MAGI1: variants seen among roughly 807,000 people sequenced by gnomAD.
MAGI1 encodes the protein membrane-associated guanylate kinase, WW and PDZ domain-containing protein 1.
Under a neutral mutation model 139.9 loss-of-function variants are expected in MAGI1, and 58 were observed. The ratio of observed to expected loss-of-function variants is 0.41; its 90% CI spans 0.34 to 0.52. The LOEUF (loss-of-function observed/expected upper bound fraction) is 0.52. MAGI1 is among the 20% of genes least tolerant of loss of function. MAGI1 has a pLI of 0.12. For missense variants in MAGI1, 1,874 were observed against 1,901.6 expected, an observed-to-expected ratio of 0.99 and a Z score of 0.27; for synonymous variants, 812 against 737.9, an observed-to-expected ratio of 1.10 and a Z score of -1.63.
At chr3:65,627,117 C>G (rs568430094) in intron 1 of MAGI1, among the ~76,000 whole-genome samples, 1 of 152,158 alleles carries the variant, frequency 6.6e-6, no homozygotes, top group African/African-American at 2.4e-5. Flanking sequence ...TGTACCTTCT[C>G]TATGTTTGCA....
At chr3:65,526,764 T>C (rs2078400735) in intron 2 of MAGI1, among the ~76,000 whole-genome samples, 1 of 152,156 alleles carries the variant, frequency 6.6e-6, no homozygotes, top group Non-Finnish European at 1.5e-5. Flanking sequence ...GATGGGAGCA[T>C]TCCCTCAACT....
At chr3:65,573,955 G>A (rs2081069412) in intron 2 of MAGI1, among the ~76,000 whole-genome samples, 1 of 151,888 alleles carries the variant, frequency 6.6e-6, no homozygotes, top group Admixed American at 6.6e-5. Context: ...ATGGGCAGTT[G>A]AGTAATTGCC....
intron 16 of MAGI1, among the ~76,000 whole-genome samples, 197 bp from the exon 17 acceptor site, chr3:65,379,751 G>T (rs1298807222): frequency 6.6e-6 from 1 of 152,096 alleles, no homozygotes; most frequent in Non-Finnish European, 1.5e-5. Flanking sequence ...CAGTATCTAC[G>T]AACATTGATC....
At chr3:65,743,541 C>A (rs1273804367) in intron 1 of MAGI1, among the ~76,000 whole-genome samples, 3 of 151,164 alleles carry the variant, frequency 2.0e-5, no homozygotes, top group African/African-American at 7.3e-5. Flanking sequence ...AATCTCATCT[C>A]TAATAAAAAT....
intron 1 of MAGI1, among the ~76,000 whole-genome samples, chr3:66,028,594 C>T (rs746754497): frequency 1.3e-5 from 2 of 152,064 alleles, no homozygotes; most frequent in Non-Finnish European, 2.9e-5. Flanking sequence ...CCACAGAGTC[C>T]CATTCTCAAG....
chr3:65,777,027 G>A (rs1172659113), intron 1 of MAGI1, among the ~76,000 whole-genome samples: 1 of 152,172 alleles, frequency 6.6e-6, no homozygotes, highest in Non-Finnish European at 1.5e-5. Context: ...ACAGCACCTG[G>A]AACATAGCAG....
At chr3:65,546,514 G>A (rs150365625) in intron 2 of MAGI1, among the ~76,000 whole-genome samples, 11 of 152,082 alleles carry the variant, frequency 7.2e-5, no homozygotes, top group South Asian at 2.1e-4. Context: ...TTTAAAACAC[G>A]TTCATCTATG....
At chr3:65,606,991 C>T (rs1272069085) in intron 2 of MAGI1, among the ~76,000 whole-genome samples, 1 of 152,102 alleles carries the variant, frequency 6.6e-6, no homozygotes, top group African/African-American at 2.4e-5. Flanking sequence ...CTCTTGAAAC[C>T]CAGATACTGG....
At chr3:65,969,339 T>A (rs1403278486) in intron 1 of MAGI1, among the ~76,000 whole-genome samples, 3 of 152,146 alleles carry the variant, frequency 2.0e-5, no homozygotes, top group African/African-American at 7.2e-5. Context: ...GCTGGTATGG[T>A]TCTGTGTTAG....
intron 2 of MAGI1, among the ~76,000 whole-genome samples, chr3:65,614,823 G>A (rs1424840125): frequency 2.6e-5 from 4 of 152,038 alleles, no homozygotes; most frequent in Non-Finnish European, 5.9e-5. Context: ...TAGATAAGCT[G>A]TAAGGAGAAG....
intron 2 of MAGI1, among the ~76,000 whole-genome samples, chr3:65,589,435 C>A (rs2081856799): frequency 6.6e-6 from 1 of 152,090 alleles, no homozygotes; most frequent in Non-Finnish European, 1.5e-5. Flanking sequence ...CTCTCCCTTG[C>A]ACTTCCTGCT....
In MAGI1 at chr3:65,355,590, G is replaced by A. The variant is rs144875664; in HGVS notation, c.*788C>T. The A allele has an allele frequency of 9.8e-5, 15 of 152,770 alleles. No individual in the cohort carries two copies. The highest frequency in any genetic ancestry group is 3.6e-4 in the African/African-American group (15 of 41,566). The allele number at this position is 152,770 out of a possible 1,614,324, so 9.5% of individuals were successfully genotyped here. On this transcript the variant is annotated 3_prime_UTR_variant, in exon 23 of 23. Coordinates refer to ENST00000402939, the MANE Select transcript of MAGI1 (RefSeq NM_001033057.2). ...CCTCGTAGTAATTGAGCAAAGCTGT[G>A]ATGGCATTGCCTTCAATGAGATTTT... is the stretch of plus-strand genomic sequence containing the variant.
chr3:65,752,553 T>C (rs1172670181), intron 1 of MAGI1, among the ~76,000 whole-genome samples: 1 of 152,224 alleles, frequency 6.6e-6, no homozygotes, highest in African/African-American at 2.4e-5. Context: ...AGAGGTATAA[T>C]TTCTAAGCAT....
chr3:65,563,596 G>A (rs1256116217), intron 2 of MAGI1, among the ~76,000 whole-genome samples: 1 of 152,164 alleles, frequency 6.6e-6, no homozygotes, highest in Non-Finnish European at 1.5e-5. Flanking sequence ...AAAACCCAGT[G>A]TGAACTGACC....
intron 2 of MAGI1, among the ~76,000 whole-genome samples, chr3:65,606,719 T>C (rs1315005442): frequency 1.3e-5 from 2 of 152,202 alleles, no homozygotes; most frequent in African/African-American, 4.8e-5. Flanking sequence ...GGTTTCACCA[T>C]GTTGGCTAGG....
chr3:66,038,329 CA>C lies in MAGI1; in HGVS notation c.-22del, dbSNP rs774394987. The C allele has an allele frequency of 2.6e-6, 4 of 1,521,972 alleles. No homozygotes were observed. Among genetic ancestry groups the C allele is most frequent in the Admixed American group, 2.1e-5 (1 of 46,954 alleles). The allele number at this position is 1,521,972 out of a possible 1,614,324, so 94.3% of individuals were successfully genotyped here. A position where few individuals can be genotyped will look rare whatever the true frequency, so the allele number is the denominator to read the frequency against. On this transcript the variant is annotated 5_prime_UTR_variant, in exon 1 of 23. The change creates a premature stop within an existing upstream ORF in the 5' untranslated region. Transcript: ENST00000402939. ...GACATGATGAGTTACACCCCTCCTC[CA>C]AAAAAATAAAACGAGAGACAGGTGC...
intron 2 of MAGI1, among the ~76,000 whole-genome samples, chr3:65,600,404 G>T (rs944713624): frequency 6.6e-6 from 1 of 152,086 alleles, no homozygotes; most frequent in Admixed American, 6.6e-5. Context: ...CAAAGACCAG[G>T]TTTCTCTATG....
intron 1 of MAGI1, among the ~76,000 whole-genome samples, chr3:65,627,661 C>T (rs1489751486): frequency 6.6e-6 from 1 of 151,664 alleles, no homozygotes; most frequent in Non-Finnish European, 1.5e-5. Context: ...GTGACCACCA[C>T]CATGCCCAGC....
At chr3:66,036,888 G>C (rs2068951540) in intron 1 of MAGI1, among the ~76,000 whole-genome samples, 1 of 152,200 alleles carries the variant, frequency 6.6e-6, no homozygotes, top group African/African-American at 2.4e-5. Flanking sequence ...GGGTTGACAT[G>C]AGGACAGCCC....
Sources: allele counts gnomAD v4.1 joint callset (sites outside exome capture counted in the v4.1 genomes callset), GRCh38; gene constraint gnomAD v4.1.1; transcripts MANE v1.5; gene names NCBI Gene and HGNC (gene_info 2026-07-23, HGNC 2026-07-21).